The following TAF1B variants were observed in gnomAD, a reference collection of about 807,000 sequenced individuals.
The protein encoded by TAF1B is TATA-box binding protein associated factor, RNA polymerase I subunit B.
TAF1B carries 61 observed loss-of-function variants against 83.9 expected under a neutral mutation model. The ratio of observed to expected loss-of-function variants is 0.73; its 90% CI spans 0.59 to 0.90. The LOEUF (loss-of-function observed/expected upper bound fraction) is 0.90. Ranked by LOEUF, TAF1B falls within the 40% of genes least tolerant of loss-of-function variation. The pLI is 0.00. For synonymous variants in TAF1B, 221 were observed against 224.6 expected (o/e 0.98, Z 0.14); for missense variants, 625 against 677.0 (o/e 0.92, Z 0.85).
intron 2 of TAF1B, among the ~76,000 whole-genome samples, chr2:9,848,531 T>TG (rs1663279856): frequency 6.6e-6 from 1 of 152,162 alleles, no homozygotes; most frequent in Admixed American, 6.5e-5. Context: ...CCAGGCGTGA[T>TG]GGCGCATGCC....
intron 8 of TAF1B, among the ~76,000 whole-genome samples, chr2:9,896,431 C>A (rs2280151): frequency 1.3e-5 from 2 of 151,890 alleles, no homozygotes; most frequent in East Asian, 1.9e-4. Context: ...TAGCTTTCTC[C>A]GCTAAGTCTT....
intron 7 of TAF1B, among the ~76,000 whole-genome samples, chr2:9,882,284 G>A (rs957563520): frequency 6.6e-6 from 1 of 152,066 alleles, no homozygotes; most frequent in Non-Finnish European, 1.5e-5. Flanking sequence ...ATTTTTAATA[G>A]AGACGGGGTT....
rs1490656007 is a variant in TAF1B at position 9,904,857 on chromosome 2, A to G, written c.808-2A>G. Reference sequence around the variant, plus strand: ...ACTATGATGGTCTCTCTTTTATTTCAGTCTTGGCCTGACTACGAGGACATC... The same window carrying G: ...ACTATGATGGTCTCTCTTTTATTTCGGTCTTGGCCTGACTACGAGGACATC... On this transcript the variant is annotated splice_acceptor_variant, in intron 8 of 14. Coordinates refer to ENST00000263663, the MANE Select transcript of TAF1B (RefSeq NM_005680.3). LOFTEE classifies it high-confidence loss of function. 6.2e-7 allele frequency: 1 copy of G among 1,606,866 alleles called. No homozygotes were observed. The highest frequency in any genetic ancestry group is 2.2e-5 in the East Asian group (1 of 44,814).
chr2:9,880,991 T>C (rs1278003325), intron 7 of TAF1B, among the ~76,000 whole-genome samples: 1 of 152,156 alleles, frequency 6.6e-6, no homozygotes, highest in Admixed American at 6.5e-5. Flanking sequence ...TTTATGTAAA[T>C]ATTTCTCAAC....
At position 9,933,954 on chromosome 2, in the gene TAF1B, AT is replaced by A. The variant is rs1666298973; in HGVS notation, c.1738del (p.Ser580GlnfsTer6). ...AAAAATACAGTGTAAAAAGAAAGAA[AT>A]CAAGATCCAAGAAAGTGAGACGACA... Reference protein sequence around the residue: ...EKKYSVKRKKSRSKKVRRH With the variant: ...EKKYSVKRKKXRSKKVRRH On this transcript the variant is annotated frameshift_variant, in exon 15 of 15. Transcript: ENST00000263663. LOFTEE classifies it high-confidence loss of function. The A allele has an allele frequency of 3.7e-6, 6 of 1,606,840 alleles. No individual in the cohort carries two copies. The highest frequency in any genetic ancestry group is 5.1e-6 in the Non-Finnish European group (6 of 1,177,762).
At chr2:9,882,849 A>C in intron 8 of TAF1B, 44 bp downstream of exon 8, 2 of 1,359,206 alleles carry the variant, frequency 1.5e-6, no homozygotes, top group Non-Finnish European at 2.0e-6. Flanking sequence ...GATAAGGCAC[A>C]AGAGTGGTAT....
intron 12 of TAF1B, among the ~76,000 whole-genome samples, chr2:9,916,850 T>C (rs1038747573): frequency 6.8e-6 from 1 of 146,284 alleles, no homozygotes; most frequent in African/African-American, 2.5e-5. Context: ...TTTTTTTTTT[T>C]TTTTTGAGAT....
At chr2:9,900,791 G>A (rs1385170845) in intron 8 of TAF1B, among the ~76,000 whole-genome samples, 1 of 152,130 alleles carries the variant, frequency 6.6e-6, no homozygotes, top group African/African-American at 2.4e-5. Context: ...GACAGGGTAA[G>A]GAACACTGCT....
At chr2:9,904,833 C>A (rs1347673281) in intron 8 of TAF1B, 26 bp from the exon 9 acceptor site, 2 of 1,594,628 alleles carry the variant, frequency 1.3e-6, no homozygotes, top group Non-Finnish European at 1.7e-6. Flanking sequence ...AAAATTGCAA[C>A]TATGATGGTC....
chr2:9,881,236 G>GA (rs1664495737), intron 7 of TAF1B, among the ~76,000 whole-genome samples: 1 of 152,034 alleles, frequency 6.6e-6, no homozygotes, highest in South Asian at 2.1e-4. Context: ...TACTTGGGAG[G>GA]ATGAGGCAGG....
At chr2:9,923,211 C>A (rs1665930394) in intron 14 of TAF1B, among the ~76,000 whole-genome samples, 1 of 145,378 alleles carries the variant, frequency 6.9e-6, no homozygotes. Context: ...GCACTCCAGC[C>A]TGGGCGACAG....
intron 9 of TAF1B, among the ~76,000 whole-genome samples, chr2:9,905,668 A>G (rs1274198066): frequency 5.3e-5 from 8 of 151,698 alleles, no homozygotes; most frequent in Non-Finnish European, 2.9e-5. Flanking sequence ...TATTCTTAAG[A>G]GAAAATACAA....
intron 8 of TAF1B, among the ~76,000 whole-genome samples, chr2:9,897,655 G>A (rs1487292388): frequency 1.3e-5 from 2 of 152,124 alleles, no homozygotes; most frequent in African/African-American, 4.8e-5. Context: ...TTTGGTTGAA[G>A]GAAGAAAAAG....
intron 14 of TAF1B, among the ~76,000 whole-genome samples, chr2:9,925,857 G>C (rs903159185): frequency 6.6e-6 from 1 of 152,198 alleles, no homozygotes; most frequent in South Asian, 2.1e-4. Context: ...TTACAGGCAT[G>C]AGCCACTGTG....
chr2:9,928,835 A>G (rs1486467079), intron 14 of TAF1B, among the ~76,000 whole-genome samples: 2 of 152,166 alleles, frequency 1.3e-5, no homozygotes, highest in Non-Finnish European at 2.9e-5. Flanking sequence ...TCTTCTCCTA[A>G]TTGAATACCT....
chr2:9,865,570 C>T (rs1438937437), intron 5 of TAF1B, among the ~76,000 whole-genome samples: 2 of 152,178 alleles, frequency 1.3e-5, no homozygotes, highest in Non-Finnish European at 2.9e-5. Flanking sequence ...TGACTTTCTT[C>T]GCAGAATTGG....
intron 11 of TAF1B, among the ~76,000 whole-genome samples, chr2:9,911,972 C>G (rs1665547267): frequency 6.6e-6 from 1 of 152,220 alleles, no homozygotes; most frequent in Non-Finnish European, 1.5e-5. Flanking sequence ...GAAGATGCAG[C>G]ATAAACACCA....
chr2:9,898,330 T>A (rs1448727061), intron 8 of TAF1B, among the ~76,000 whole-genome samples: 1 of 152,230 alleles, frequency 6.6e-6, no homozygotes, highest in East Asian at 1.9e-4. Context: ...GTGATTCTGA[T>A]GGAGATTACG....
chr2:9,846,324 C>T, intron 2 of TAF1B: 3 of 333,752 alleles, frequency 9.0e-6, no homozygotes, highest in Non-Finnish European at 1.8e-5. Context: ...GTGGTGAACA[C>T]ACCTTCGGGC....
Sources: gnomAD v4.1 joint callset for allele counts (sites outside exome capture counted in the v4.1 genomes callset) on GRCh38, gnomAD v4.1.1 for gene constraint, MANE v1.5 for transcripts, NCBI Gene and HGNC (gene_info 2026-07-23, HGNC 2026-07-21) for gene names.